BCL2L1: variants seen among roughly 807,000 people sequenced by gnomAD.
The protein encoded by BCL2L1 is bcl-2-like protein 1.
In BCL2L1, 1 loss-of-function variant was observed where a neutral mutation model predicts 18.7. The observed-to-expected ratio is 0.05, with a 90% CI of 0.02 to 0.25. The LOEUF (loss-of-function observed/expected upper bound fraction) is 0.25, where lower values mean the gene tolerates loss of function less well. BCL2L1 is among the 10% of genes least tolerant of loss of function. The pLI, the probability that BCL2L1 is intolerant of heterozygous loss-of-function variation, is 1.00. For missense variants in BCL2L1, 207 were observed against 304.9 expected (o/e 0.68, Z 2.39); for synonymous variants, 103 against 122.7 (o/e 0.84, Z 1.06).
chr20:31,708,256 T>C (rs2061401200), intron 2 of BCL2L1, among the ~76,000 whole-genome samples: 1 of 152,178 alleles, frequency 6.6e-6, no homozygotes, highest in African/African-American at 2.4e-5. Context: ...ATGGGAGTAT[T>C]TTCTCCCTGG....
At chr20:31,676,299 C>A (rs2060759586) in intron 2 of BCL2L1, among the ~76,000 whole-genome samples, 1 of 152,154 alleles carries the variant, frequency 6.6e-6, no homozygotes, top group African/African-American at 2.4e-5. Context: ...AATAATCCCA[C>A]CGAGTACATG....
chr20:31,702,149 G>A (rs1421491898), intron 2 of BCL2L1, among the ~76,000 whole-genome samples: 2 of 152,216 alleles, frequency 1.3e-5, no homozygotes, highest in African/African-American at 4.8e-5. Flanking sequence ...GTAGGCCTCA[G>A]AAAGGAAATA....
At chr20:31,666,687 G>GGT (rs1260490118) in intron 2 of BCL2L1, among the ~76,000 whole-genome samples, 1 of 152,050 alleles carries the variant, frequency 6.6e-6, no homozygotes, top group Non-Finnish European at 1.5e-5. Context: ...GGGAGCCTCT[G>GGT]GTGGGCAGGT....
rs1568844186 is a variant in BCL2L1 at position 31,666,031 on chromosome 20, T to C, written c.620A>G (p.Gln207Arg). The change falls in exon 3 of 3, where the codon CAG becomes CGG. Residue 207 changes from glutamine to arginine, a missense_variant. By Grantham distance (43) the Gln-to-Arg change is conservative. Transcript: ENST00000307677. ...NNAAAESRKG[Q>R]ERFNRWFLTG... ...CAGGAACCAGCGGTTGAAGCGTTCC[T>C]GGCCCTTTCGGCTCTCGGCTGCTGC... is the stretch of plus-strand genomic sequence containing the variant. The C allele has an allele frequency of 6.2e-7, 1 of 1,614,194 alleles. No homozygotes were observed. Among genetic ancestry groups the C allele is most frequent in the Non-Finnish European group, 8.5e-7 (1 of 1,180,036 alleles).
intron 2 of BCL2L1, among the ~76,000 whole-genome samples, chr20:31,709,840 C>CAAAAAAAAAAAA (rs56937786): frequency 2.8e-4 from 18 of 64,070 alleles, no homozygotes; most frequent in Non-Finnish European, 5.5e-4. Flanking sequence ...GACTCCATCT[C>CAAAAAAAAAAAA]AAAAAAAAAA....
chr20:31,690,463 C>T (rs2061044614), intron 2 of BCL2L1, among the ~76,000 whole-genome samples: 1 of 152,156 alleles, frequency 6.6e-6, no homozygotes, highest in Admixed American at 6.5e-5. Flanking sequence ...ACCCATCATT[C>T]AACTTCAACA....
rs1468552717 is a variant in BCL2L1, at chr20:31,721,725, C to T, written c.494G>A (p.Arg165Gln). The T allele has an allele frequency of 3.1e-6, 5 of 1,613,982 alleles. No individual in the cohort carries two copies. The highest frequency in any genetic ancestry group is 1.7e-5 in the Admixed American group (1 of 59,996). The change falls in exon 2 of 3, where the codon CGG becomes CAG. Residue 165 changes from arginine to glutamine, a missense_variant. Transcript: ENST00000307677. ...GTAAGTGGCCATCCAAGCTGCGATC[C>T]GACTCACCAATACCTGCATCTCCTT... ...VDKEMQVLVSRIAAWMATYLN... is the reference protein window; with the variant it reads ...VDKEMQVLVSQIAAWMATYLN...
rs186892030 is a variant in BCL2L1 at position 31,706,398 on chromosome 20, T to C, written c.564+15257A>G. 6.8e-4 allele frequency among the ~76,000 whole-genome samples: 103 copies of C among 152,324 alleles called. 1 individual carries two copies. Among genetic ancestry groups the C allele is most frequent in the African/African-American group, 2.3e-3 (96 of 41,572 alleles). On this transcript the variant is annotated intron_variant, in intron 2 of 2. Transcript: ENST00000307677. ...AGAGAAAAGGGAAAGACTCAGCATT[T>C]GCTGAGCTTTTACTCTGCACTAGGC...
intron 2 of BCL2L1, among the ~76,000 whole-genome samples, chr20:31,718,882 C>T (rs540196465): frequency 2.1e-4 from 32 of 152,318 alleles, no homozygotes; most frequent in African/African-American, 7.2e-4. Context: ...CTTGGCCCAA[C>T]AGCATCTCTG....
At chr20:31,695,365 A>G (rs1269053941) in intron 2 of BCL2L1, among the ~76,000 whole-genome samples, 1 of 152,228 alleles carries the variant, frequency 6.6e-6, no homozygotes. Context: ...GCCCCTGGTG[A>G]CGTCTCAGAC....
chr20:31,681,534 C>T (rs544208094), intron 2 of BCL2L1, among the ~76,000 whole-genome samples: 6 of 152,190 alleles, frequency 3.9e-5, no homozygotes, highest in Non-Finnish European at 8.8e-5. Flanking sequence ...CCAGCTATTC[C>T]GGAGGCTGAG....
chr20:31,706,309 C>T (rs142078411), intron 2 of BCL2L1, among the ~76,000 whole-genome samples: 4 of 152,308 alleles, frequency 2.6e-5, no homozygotes, highest in African/African-American at 7.2e-5. Flanking sequence ...CAGAGTCTGG[C>T]CTTGCCTGGT....
intron 2 of BCL2L1, among the ~76,000 whole-genome samples, chr20:31,692,402 T>C (rs1171038688): frequency 6.6e-6 from 1 of 152,222 alleles, no homozygotes; most frequent in Non-Finnish European, 1.5e-5. Flanking sequence ...GCTATGCAAG[T>C]AACATGGATG....
At chr20:31,669,597 G>A (rs535494679) in intron 2 of BCL2L1, among the ~76,000 whole-genome samples, 3 of 151,508 alleles carry the variant, frequency 2.0e-5, no homozygotes, top group East Asian at 1.9e-4. Context: ...CTGCCACCAC[G>A]CCTAGCTAAT....
chr20:31,667,075 G>A (rs1054774906), intron 2 of BCL2L1, among the ~76,000 whole-genome samples: 4 of 152,166 alleles, frequency 2.6e-5, no homozygotes, highest in African/African-American at 9.7e-5. Context: ...TGCCTCTGAG[G>A]GTCCAGGGAC....
chr20:31,720,809 C>T, intron 2 of BCL2L1: 4 of 985,430 alleles, frequency 4.1e-6, no homozygotes, highest in Non-Finnish European at 3.6e-6. Flanking sequence ...CAATGTCCCA[C>T]AGAGCCCCAA....
In BCL2L1 at chr20:31,665,759, G is replaced by A; in HGVS notation, c.*190C>T. On this transcript the variant is annotated 3_prime_UTR_variant, in exon 3 of 3. Transcript: ENST00000307677. The stretch of plus-strand genomic sequence containing the variant: ...TCTGAGGCCAAGGGAACTGAGGTGT[G>A]GGGGTCTCACAGAAGTGTGATAAAT... The A allele has an allele frequency of 1.4e-6, 1 of 718,834 alleles. No individual in the cohort carries two copies. The highest frequency in any genetic ancestry group is 3.0e-5 in the Admixed American group (1 of 33,442). 44.5% of individuals were successfully genotyped at this position (718,834 alleles called of 1,614,324 possible). A position where few individuals can be genotyped will look rare whatever the true frequency, so the allele number is the denominator to read the frequency against.
rs776091690 is a variant in BCL2L1, at chr20:31,722,013, G to A, written c.206C>T (p.Thr69Ile). The change falls in exon 2 of 3, where the codon ACT (threonine) becomes ATT (isoleucine). Residue 69 changes from threonine to isoleucine, a missense_variant. Transcript: ENST00000307677. Reference protein sequence around the residue: ...LADSPAVNGATGHSSSLDARE... With the variant: ...LADSPAVNGAIGHSSSLDARE... ...GGCATCCAAACTGCTGCTGTGGCCA[G>A]TGGCTCCATTCACCGCGGGGCTGTC... 2 of 1,613,790 alleles carry A rather than the reference G, an allele frequency of 1.2e-6. No individual in the cohort carries two copies. Among genetic ancestry groups the A allele is most frequent in the Non-Finnish European group, 1.7e-6 (2 of 1,179,732 alleles).
chr20:31,688,728 T>C (rs868493255), intron 2 of BCL2L1, among the ~76,000 whole-genome samples: 2 of 152,178 alleles, frequency 1.3e-5, no homozygotes, highest in African/African-American at 2.4e-5. Flanking sequence ...GGGCTATTCA[T>C]TGAGTGTCAC....
Sources: allele counts gnomAD v4.1 joint callset (sites outside exome capture counted in the v4.1 genomes callset), GRCh38; gene constraint gnomAD v4.1.1; transcripts MANE v1.5; gene names NCBI Gene and HGNC (gene_info 2026-07-23, HGNC 2026-07-21).